The following SMG7 variants were observed in gnomAD, a reference collection of about 807,000 sequenced individuals.
SMG7 encodes the protein SMG7 nonsense mediated mRNA decay factor, also known as nonsense-mediated mRNA decay factor SMG7.
A neutral mutation model predicts 148.2 loss-of-function variants in SMG7; 34 were observed. The ratio of observed to expected loss-of-function variants is 0.23; its 90% confidence interval spans 0.17 to 0.31. SMG7 has a LOEUF of 0.31. SMG7 is among the 10% of genes least tolerant of loss of function. The probability of loss-of-function intolerance (pLI) is 1.00; values close to 1 mark genes in which losing one functional copy is unlikely to be tolerated. For synonymous variants in SMG7, 492 were observed against 515.1 expected, an observed-to-expected ratio of 0.96 and a Z score of 0.61; for missense variants, 1,114 against 1,408.4, an observed-to-expected ratio of 0.79 and a Z score of 3.35.
At chr1:183,516,473 A>G (rs574861298) in intron 3 of SMG7, among the ~76,000 whole-genome samples, 10 of 152,336 alleles carry the variant, frequency 6.6e-5, no homozygotes, top group African/African-American at 2.4e-4. Context: ...TACCCCCAAT[A>G]AAATGAAAAA....
intron 1 of SMG7, chr1:183,502,183 A>T: frequency 9.9e-7 from 1 of 1,015,086 alleles, no homozygotes; most frequent in Non-Finnish European, 1.3e-6. Flanking sequence ...ATAAAGATAA[A>T]ATAATTTTCT....
At chr1:183,502,158 A>G in intron 1 of SMG7, 2 of 813,482 alleles carry the variant, frequency 2.5e-6, no homozygotes, top group Non-Finnish European at 3.4e-6. Context: ...TACCTTTCAC[A>G]TGAAGTCATT....
Position 183,552,865 on chromosome 1 carries a change from C to A in SMG7, c.*934C>A, listed in dbSNP as rs932589781. 7.0e-7 allele frequency: 1 copy of A among 1,434,776 alleles called. No individual in the cohort carries two copies. Among genetic ancestry groups the A allele is most frequent in the Non-Finnish European group, 9.1e-7 (1 of 1,098,822 alleles). 88.9% of individuals were successfully genotyped at this position (1,434,776 alleles called of 1,614,324 possible). ...ATTTTTTCTTTGGTTGGTTTTTGTG[C>A]CCCCATTCTACTTCCCACCCTCCTG... On this transcript the variant is annotated 3_prime_UTR_variant, in exon 23 of 23. Coordinates refer to ENST00000688051, the MANE Select transcript of SMG7 (RefSeq NM_001375584.1).
intron 12 of SMG7, among the ~76,000 whole-genome samples, chr1:183,539,252 C>G (rs1668354836): frequency 6.6e-6 from 1 of 152,172 alleles, no homozygotes; most frequent in South Asian, 2.1e-4. Context: ...TTCTAGATAC[C>G]AAAATCCAGT....
intron 1 of SMG7, among the ~76,000 whole-genome samples, chr1:183,503,391 G>A (rs534695308): frequency 5.3e-5 from 8 of 152,094 alleles, no homozygotes; most frequent in East Asian, 3.9e-4. Flanking sequence ...GTTAAATAAC[G>A]TAATCAGAAC....
chr1:183,529,555 A>G (rs1248757605), intron 8 of SMG7, 22 bp downstream of exon 8: 4 of 1,598,886 alleles, frequency 2.5e-6, no homozygotes, highest in African/African-American at 2.7e-5. Flanking sequence ...GAAATAGAGA[A>G]TTTTTGTCTT....
At chr1:183,488,284 A>G (rs1029114245) in intron 1 of SMG7, among the ~76,000 whole-genome samples, 4 of 152,158 alleles carry the variant, frequency 2.6e-5, no homozygotes, top group Non-Finnish European at 5.9e-5. Context: ...GTATTGATGT[A>G]TAACTGTGCT....
chr1:183,538,311 T>C (rs1668163449), intron 11 of SMG7, 69 bp from the exon 12 acceptor site: 3 of 996,728 alleles, frequency 3.0e-6, no homozygotes, highest in African/African-American at 3.2e-5. Context: ...TAAAAAAATT[T>C]AGTGAACAGT....
Position 183,544,911 on chromosome 1 carries a change from G to C in SMG7, c.1988-19G>C. ...TTGCTGTTTCCTTAAAACTAAAGCT[G>C]TGTTCTTCTGTTTTGAAGGGTTTCC... is the stretch of plus-strand genomic sequence containing the variant. On this transcript the variant is annotated intron_variant, in intron 15 of 22. Coordinates refer to ENST00000688051, the MANE Select transcript of SMG7 (RefSeq NM_001375584.1). The C allele has an allele frequency of 6.2e-7, 1 of 1,600,504 alleles. No individual in the cohort carries two copies. The highest frequency in any genetic ancestry group is 8.5e-7 in the Non-Finnish European group (1 of 1,171,918).
chr1:183,503,409 T>C (rs917536470), intron 1 of SMG7, among the ~76,000 whole-genome samples: 1 of 152,198 alleles, frequency 6.6e-6, no homozygotes, highest in African/African-American at 2.4e-5. Context: ...AACTAATGTT[T>C]GGAGAAAAAT....
chr1:183,545,343 G>C, intron 16 of SMG7, 31 bp downstream of exon 16: 1 of 1,585,046 alleles, frequency 6.3e-7, no homozygotes, highest in Non-Finnish European at 8.6e-7. Flanking sequence ...CTATCCAGCT[G>C]AATGAAATAA....
chr1:183,529,595 G>A, intron 8 of SMG7, 62 bp downstream of exon 8: 1 of 1,381,848 alleles, frequency 7.2e-7, no homozygotes, highest in Non-Finnish European at 1.0e-6. Context: ...ACATTTGGAG[G>A]AAACTGACTC....
chr1:183,503,184 A>G (rs1175644466), intron 1 of SMG7, among the ~76,000 whole-genome samples: 1 of 152,188 alleles, frequency 6.6e-6, no homozygotes, highest in Non-Finnish European at 1.5e-5. Flanking sequence ...TACTTACCTG[A>G]TAGAATTGTT....
chr1:183,549,985 A>T, intron 20 of SMG7, 62 bp downstream of exon 20: 1 of 1,090,876 alleles, frequency 9.2e-7, no homozygotes, highest in Non-Finnish European at 1.3e-6. Context: ...TGATTAAGGG[A>T]TAGTGAGATT....
intron 1 of SMG7, among the ~76,000 whole-genome samples, chr1:183,500,791 G>A (rs941214625): frequency 1.7e-4 from 26 of 152,236 alleles, no homozygotes; most frequent in African/African-American, 6.3e-4. Context: ...ATACTGAGGG[G>A]CAAAACAACA....
chr1:183,484,487 A>G (rs1394356987), intron 1 of SMG7, among the ~76,000 whole-genome samples: 4 of 150,418 alleles, frequency 2.7e-5, no homozygotes, highest in Non-Finnish European at 5.9e-5. Flanking sequence ...CTGTTTCTTT[A>G]TACCTGAAAT....
At position 183,472,525 on chromosome 1, in the gene SMG7, G is replaced by A; in HGVS notation, c.-96G>A. ...AGGAGCCGGAGGAGAGGAAGATGGC[G>A]GCGGCCGCCAGCACCCGCGGTGCCG... On this transcript the variant is annotated 5_prime_UTR_variant, in exon 1 of 23. Coordinates refer to ENST00000688051, the MANE Select transcript of SMG7 (RefSeq NM_001375584.1). 8.3e-7 allele frequency: 1 copy of A among 1,209,512 alleles called. No homozygotes were observed. Among genetic ancestry groups the A allele is most frequent in the Non-Finnish European group, 1.1e-6 (1 of 922,862 alleles). The allele number at this position is 1,209,512 out of a possible 1,614,324, so 74.9% of individuals were successfully genotyped here.
chr1:183,503,655 T>C (rs1217570422), intron 1 of SMG7, among the ~76,000 whole-genome samples: 2 of 152,214 alleles, frequency 1.3e-5, no homozygotes, highest in Non-Finnish European at 2.9e-5. Flanking sequence ...GAGGGACACC[T>C]GACTAGCCAG....
intron 1 of SMG7, among the ~76,000 whole-genome samples, chr1:183,478,999 T>C (rs1033348019): frequency 3.3e-5 from 5 of 152,174 alleles, no homozygotes; most frequent in Non-Finnish European, 5.9e-5. Context: ...TAACTAAGCA[T>C]TTACAAGGAA....
Sources: allele counts gnomAD v4.1 joint callset (sites outside exome capture counted in the v4.1 genomes callset), GRCh38; gene constraint gnomAD v4.1.1; transcripts MANE v1.5; gene names NCBI Gene and HGNC (gene_info 2026-07-23, HGNC 2026-07-21).